SLC7A2: variants seen among roughly 807,000 people sequenced by gnomAD.
SLC7A2 encodes the protein solute carrier family 7 member 2.
SLC7A2 carries 48 observed loss-of-function variants against 58.9 expected under a neutral mutation model. The ratio of observed to expected loss-of-function variants is 0.82; its 90% CI spans 0.65 to 1.04. The LOEUF (loss-of-function observed/expected upper bound fraction) is 1.04. Ranked by LOEUF, SLC7A2 falls within the 50% of genes least tolerant of loss-of-function variation. The probability of loss-of-function intolerance (pLI) is 0.00; values close to 1 mark genes in which losing one functional copy is unlikely to be tolerated. For synonymous variants in SLC7A2, 363 were observed against 314.5 expected, an observed-to-expected ratio of 1.15 and a Z score of -1.63; for missense variants, 1,029 against 818.8, an observed-to-expected ratio of 1.26 and a Z score of -3.13.
rs948530187 is a variant in SLC7A2, at chr8:17,566,449, C to A, written c.*1303C>A. The A allele has an allele frequency of 6.6e-6, 1 of 152,140 alleles. No homozygotes were observed. Among genetic ancestry groups the A allele is most frequent in the African/African-American group, 2.4e-5 (1 of 41,430 alleles). 9.4% of individuals were successfully genotyped at this position (152,140 alleles called of 1,614,324 possible). A position where few individuals can be genotyped will look rare whatever the true frequency, so the allele number is the denominator to read the frequency against. On this transcript the variant is annotated 3_prime_UTR_variant, in exon 13 of 13. Coordinates refer to ENST00000494857, the MANE Select transcript of SLC7A2 (RefSeq NM_001370338.1). ...TTTGGAAACATTTAGGAATATTTTT[C>A]TCCCCCTACCCCATAAATTGTGTAG...
At chr8:17,564,273 C>T (rs1214689638) in intron 12 of SLC7A2, among the ~76,000 whole-genome samples, 3 of 152,156 alleles carry the variant, frequency 2.0e-5, no homozygotes, top group African/African-American at 4.8e-5. Context: ...CTTTATTCCA[C>T]ATATCATTTT....
At chr8:17,511,916 G>A (rs1800619367) in intron 2 of SLC7A2, among the ~76,000 whole-genome samples, 1 of 152,140 alleles carries the variant, frequency 6.6e-6, no homozygotes, top group African/African-American at 2.4e-5. Context: ...ATGGAACTAT[G>A]TTGTGATTTC....
In SLC7A2 at chr8:17,567,259, C is replaced by CA. The variant is rs1162028992; in HGVS notation, c.*2115dup. The CA allele has an allele frequency of 3.9e-5, 6 of 152,552 alleles. No homozygotes were observed. Among genetic ancestry groups the CA allele is most frequent in the African/African-American group, 1.2e-4 (5 of 41,562 alleles). 9.4% of individuals were successfully genotyped at this position (152,552 alleles called of 1,614,324 possible). ...CTGAAAACCCGTTTGATTCTATACC[C>CA]AATCAAGAATAGACCCTTCACACAG... On this transcript the variant is annotated 3_prime_UTR_variant, in exon 13 of 13. Transcript: ENST00000494857.
At chr8:17,514,488 A>C (rs1800724008) in intron 2 of SLC7A2, among the ~76,000 whole-genome samples, 1 of 152,232 alleles carries the variant, frequency 6.6e-6, no homozygotes, top group Admixed American at 6.5e-5. Context: ...AGAAAGAAAG[A>C]GATGGGGAAA....
upstream of SLC7A2, among the ~76,000 whole-genome samples, chr8:17,494,434 G>A (rs1352485751): frequency 1.3e-5 from 2 of 152,144 alleles, no homozygotes; most frequent in African/African-American, 4.8e-5. Flanking sequence ...TCATTCCTAA[G>A]GAGGAAACTT....
chr8:17,505,680 A>G (rs1472279975), intron 2 of SLC7A2, among the ~76,000 whole-genome samples: 1 of 152,238 alleles, frequency 6.6e-6, no homozygotes, highest in Non-Finnish European at 1.5e-5. Flanking sequence ...TAAACAGAAA[A>G]AAAATGGGTA....
chr8:17,567,372 A>G lies in SLC7A2; in HGVS notation c.*2226A>G, dbSNP rs1047529270. 2 of 152,648 alleles carry G rather than the reference A, an allele frequency of 1.3e-5. No individual in the cohort carries two copies. Among genetic ancestry groups the G allele is most frequent in the Non-Finnish European group, 2.9e-5 (2 of 68,048 alleles). The allele number at this position is 152,648 out of a possible 1,614,324, so 9.5% of individuals were successfully genotyped here. ...TTGTTTAGAATGTGATAGGCAGCTA[A>G]AACTGTTATGCCCACTGTGCTCAAT... is the stretch of plus-strand genomic sequence containing the variant. On this transcript the variant is annotated 3_prime_UTR_variant, in exon 13 of 13. Coordinates refer to ENST00000494857, the MANE Select transcript of SLC7A2 (RefSeq NM_001370338.1).
At chr8:17,499,761 T>A (rs1052854985) in intron 1 of SLC7A2, among the ~76,000 whole-genome samples, 1 of 152,134 alleles carries the variant, frequency 6.6e-6, no homozygotes, top group Non-Finnish European at 1.5e-5. Context: ...CTAAATGGGC[T>A]TGAAAATCGA....
At position 17,566,764 on chromosome 8, in the gene SLC7A2, C is replaced by T. The variant is rs1803284793; in HGVS notation, c.*1618C>T. 6.6e-6 allele frequency: 1 copy of T among 152,052 alleles called. No individual in the cohort carries two copies. Among genetic ancestry groups the T allele is most frequent in the Non-Finnish European group, 1.5e-5 (1 of 68,018 alleles). The allele number at this position is 152,052 out of a possible 1,614,324, so 9.4% of individuals were successfully genotyped here. ...GTTTATTTGCAGTGTATTTGCTTCT[C>T]ATGAACTATTTCTCGTACAAATCAT... On this transcript the variant is annotated 3_prime_UTR_variant, in exon 13 of 13. Coordinates refer to ENST00000494857, the MANE Select transcript of SLC7A2 (RefSeq NM_001370338.1).
intron 2 of SLC7A2, among the ~76,000 whole-genome samples, chr8:17,517,383 T>C (rs1779421364): frequency 1.3e-5 from 2 of 152,144 alleles, no homozygotes; most frequent in South Asian, 4.1e-4. Flanking sequence ...TCAAGAATAT[T>C]AGAGATTGAG....
At chr8:17,519,908 C>T (rs1431754473) in intron 2 of SLC7A2, among the ~76,000 whole-genome samples, 1 of 152,140 alleles carries the variant, frequency 6.6e-6, no homozygotes, top group Admixed American at 6.5e-5. Flanking sequence ...CTTCTGTGAA[C>T]CCTGGGAATG....
intron 2 of SLC7A2, among the ~76,000 whole-genome samples, chr8:17,539,541 A>C (rs1043998543): frequency 6.6e-6 from 1 of 152,210 alleles, no homozygotes; most frequent in Non-Finnish European, 1.5e-5. Flanking sequence ...TTGAAGAAAG[A>C]TATCTGTTTC....
At chr8:17,520,917 A>T (rs890303991) in intron 2 of SLC7A2, 23 of 174,264 alleles carry the variant, frequency 1.3e-4, no homozygotes, top group Admixed American at 3.9e-4. Flanking sequence ...AATTGCTTTA[A>T]AGTTATTTAG....
rs187703582 is a variant in SLC7A2 at position 17,507,097 on chromosome 8, A to G, written c.-23+4795A>G. On this transcript the variant is annotated intron_variant, in intron 2 of 12. Transcript: ENST00000494857. ...GTAGCTGGGACCATAGGCGGGCACC[A>G]CCATGCCTGGCTAATTTTTTTTGTA... 4.3e-3 allele frequency among the ~76,000 whole-genome samples: 659 copies of G among 152,006 alleles called. 13 individuals are homozygous for G. In the South Asian group the frequency reaches 0.051, roughly 12 times the overall value.
chr8:17,560,445 G>A lies in SLC7A2; in HGVS notation c.1416G>A (p.Gln472=). 1 of 1,613,984 alleles carries A rather than the reference G, an allele frequency of 6.2e-7. No individual in the cohort carries two copies. Among genetic ancestry groups the A allele is most frequent in the African/African-American group, 1.3e-5 (1 of 75,040 alleles). The change falls in exon 10 of 13, where the codon CAG becomes CAA. Residue 472 remains glutamine, a synonymous_variant. Transcript: ENST00000494857. ...SESQVTMLQR[Q]GFSMRTLFCP... ...CCCAGGTCACCATGCTGCAGAGACA[G>A]GGCTTCAGCATGCGGACCCTCTTCT...
At chr8:17,524,962 C>T (rs2588207) in intron 2 of SLC7A2, among the ~76,000 whole-genome samples, 107,691 of 151,964 alleles carry the variant, frequency 0.71, 38,533 homozygotes, top group African/African-American at 0.79. Context: ...AAATTTTTGA[C>T]TGGGGCAAGG....
intron 12 of SLC7A2, among the ~76,000 whole-genome samples, chr8:17,564,327 T>C (rs1192416181): frequency 2.0e-5 from 3 of 152,228 alleles, no homozygotes; most frequent in East Asian, 3.8e-4. Context: ...AATTAAAATT[T>C]TTCCATATAA....
intron 7 of SLC7A2, among the ~76,000 whole-genome samples, chr8:17,553,276 C>G (rs1052854959): frequency 5.3e-5 from 8 of 152,140 alleles, no homozygotes; most frequent in Non-Finnish European, 1.0e-4. Context: ...GTCTTGAACT[C>G]CTGGGCTCAA....
chr8:17,529,792 C>A (rs1038586596), intron 2 of SLC7A2, among the ~76,000 whole-genome samples: 1 of 152,084 alleles, frequency 6.6e-6, no homozygotes, highest in African/African-American at 2.4e-5. Context: ...CCACCTTGGC[C>A]TACCAACATG....
Sources: gnomAD v4.1 joint callset for allele counts (sites outside exome capture counted in the v4.1 genomes callset) on GRCh38, gnomAD v4.1.1 for gene constraint, MANE v1.5 for transcripts, NCBI Gene and HGNC (gene_info 2026-07-23, HGNC 2026-07-21) for gene names.